DEFB115: variants seen among roughly 807,000 people sequenced by gnomAD.
DEFB115 encodes the protein defensin beta 115, also known as beta-defensin 115.
A neutral mutation model predicts 8.8 loss-of-function variants in DEFB115; 7 were observed. That is an observed-to-expected ratio of 0.79 (90% confidence interval 0.45 to 1.49). The LOEUF (loss-of-function observed/expected upper bound fraction) is 1.49. Among genes scored for constraint, DEFB115 ranks in the 40% most tolerant of loss-of-function variants. The pLI is 0.01. For missense variants in DEFB115, 143 were observed against 99.4 expected, an observed-to-expected ratio of 1.44 and a Z score of -1.86; for synonymous variants, 62 against 37.6, an observed-to-expected ratio of 1.65 and a Z score of -2.37.
chr20:31,257,791 G>T, intron 1 of DEFB115, 34 bp downstream of exon 1: 1 of 1,563,392 alleles, frequency 6.4e-7, no homozygotes, highest in Non-Finnish European at 8.8e-7. Flanking sequence ...GGAAAAGGGA[G>T]TAAGGATGGG....
intron 1 of DEFB115, 148 bp downstream of exon 1, chr20:31,257,905 A>C: frequency 1.4e-6 from 1 of 712,660 alleles, no homozygotes; most frequent in Non-Finnish European, 2.4e-6. Flanking sequence ...ATATGCTCCC[A>C]TAAGAAGGGC....
At chr20:31,258,630 T>A (rs1248871232) in intron 1 of DEFB115, among the ~76,000 whole-genome samples, 2 of 151,904 alleles carry the variant, frequency 1.3e-5, no homozygotes, top group Admixed American at 1.3e-4. Context: ...ATAGAGGGAG[T>A]TGCAGATGCA....
At position 31,259,470 on chromosome 20, in the gene DEFB115, C is replaced by T; in HGVS notation, c.105C>T (p.Ile35=). Residue 35 remains isoleucine (I), a synonymous_variant, in exon 2 of 2, where the codon ATC becomes ATT. Transcript: ENST00000400552. ...TGCTTATTTTGATAGATGGATGGAT[C>T]AGAAGGTGCTATTATGGAACTGGCA... ...VLAQTAPDGW[I]RRCYYGTGRC... The T allele has an allele frequency of 6.2e-7, 1 of 1,605,352 alleles. No homozygotes were observed. Among genetic ancestry groups the T allele is most frequent in the South Asian group, 1.1e-5 (1 of 88,866 alleles).
rs769728457 is a variant in DEFB115 at position 31,259,461 on chromosome 20, T to C, written c.96T>C (p.Asp32=). The change falls in exon 2 of 2, where the codon GAT becomes GAC. Residue 32 remains aspartate, a splice_region_variant and synonymous_variant. Transcript: ENST00000400552. ...TCATGTGTTTGCTTATTTTGATAGATGGATGGATCAGAAGGTGCTATTATG... is the reference window on the plus strand; with the variant it reads ...TCATGTGTTTGCTTATTTTGATAGACGGATGGATCAGAAGGTGCTATTATG... ...VLVVLAQTAP[D]GWIRRCYYGT... The C allele has an allele frequency of 1.3e-6, 2 of 1,590,736 alleles. No homozygotes were observed. Among genetic ancestry groups the C allele is most frequent in the African/African-American group, 1.4e-5 (1 of 73,404 alleles).
chr20:31,258,232 A>G (rs1270681307), intron 1 of DEFB115, among the ~76,000 whole-genome samples: 1 of 152,154 alleles, frequency 6.6e-6, no homozygotes, highest in East Asian at 1.9e-4. Context: ...TATGGTGAAA[A>G]AGTTGTAAGT....
In DEFB115 at chr20:31,259,452, T is replaced by C. The variant is rs759057268; in HGVS notation, c.95-8T>C. ...TTTATATATTCATGTGTTTGCTTATTTTGATAGATGGATGGATCAGAAGGT... is the reference window on the plus strand; with the variant it reads ...TTTATATATTCATGTGTTTGCTTATCTTGATAGATGGATGGATCAGAAGGT... On this transcript the variant is annotated splice_polypyrimidine_tract_variant and splice_region_variant and intron_variant, in intron 1 of 1. Coordinates refer to ENST00000400552, the MANE Select transcript of DEFB115 (RefSeq NM_001037730.1). The C allele has an allele frequency of 2.2e-4, 354 of 1,584,492 alleles. No individual in the cohort carries two copies. Among genetic ancestry groups the C allele is most frequent in the Non-Finnish European group, 2.9e-4 (341 of 1,170,302 alleles).
chr20:31,259,560 C>T lies in DEFB115; in HGVS notation c.195C>T (p.Cys65=), dbSNP rs766064756. ...KKEKCGEKHI[C]CVPKEKDKLS... ...AAAAATGTGGGGAAAAACATATTTGCTGTGTCCCTAAAGAAAAGGATAAAC... is the reference window on the plus strand; with the variant it reads ...AAAAATGTGGGGAAAAACATATTTGTTGTGTCCCTAAAGAAAAGGATAAAC... Residue 65 remains cysteine (C), a synonymous_variant, in exon 2 of 2, where the codon TGC becomes TGT. Coordinates refer to ENST00000400552, the MANE Select transcript of DEFB115 (RefSeq NM_001037730.1). The T allele has an allele frequency of 6.2e-7, 1 of 1,612,546 alleles. No individual in the cohort carries two copies. The highest frequency in any genetic ancestry group is 1.1e-5 in the South Asian group (1 of 90,834).
chr20:31,257,771 T>G lies in DEFB115; in HGVS notation c.94+14T>G. 1 of 1,603,656 alleles carries G rather than the reference T, an allele frequency of 6.2e-7. No individual in the cohort carries two copies. The highest frequency in any genetic ancestry group is 8.5e-7 in the Non-Finnish European group (1 of 1,170,750). On this transcript the variant is annotated intron_variant, in intron 1 of 1. Coordinates refer to ENST00000400552, the MANE Select transcript of DEFB115 (RefSeq NM_001037730.1). ...AGACTGCCCCAGGTAAACAGAACCA[T>G]GGAGAGAAGGGAAAAGGGAGTAAGG...
At chr20:31,259,367 T>G in intron 1 of DEFB115, 93 bp from the exon 2 acceptor site, 1 of 1,301,264 alleles carries the variant, frequency 7.7e-7, no homozygotes, top group Non-Finnish European at 1.0e-6. Context: ...AATGTTTCAC[T>G]CTAACCATTA....
Position 31,257,772 on chromosome 20 carries a change from G to A in DEFB115, c.94+15G>A. ...GACTGCCCCAGGTAAACAGAACCAT[G>A]GAGAGAAGGGAAAAGGGAGTAAGGA... On this transcript the variant is annotated intron_variant, in intron 1 of 1. Transcript: ENST00000400552. The A allele has an allele frequency of 6.2e-7, 1 of 1,600,224 alleles. No homozygotes were observed.
chr20:31,259,259 A>G (rs1323221376), intron 1 of DEFB115, among the ~76,000 whole-genome samples: 1 of 152,176 alleles, frequency 6.6e-6, no homozygotes, highest in African/African-American at 2.4e-5. Flanking sequence ...ATAGGAATAA[A>G]ATTCAATTAG....
At chr20:31,258,303 CAGA>C (rs1983807263) in intron 1 of DEFB115, among the ~76,000 whole-genome samples, 1 of 152,172 alleles carries the variant, frequency 6.6e-6, no homozygotes, top group African/African-American at 2.4e-5. Context: ...GGGGTTACAG[CAGA>C]AGATTTTGGC....
At chr20:31,257,958 C>T (rs755665119) in intron 1 of DEFB115, among the ~76,000 whole-genome samples, 1 of 152,120 alleles carries the variant, frequency 6.6e-6, no homozygotes, top group African/African-American at 2.4e-5. Context: ...CATTAGGGAA[C>T]CTGGAGAATA....
chr20:31,258,029 T>C (rs1983800777), intron 1 of DEFB115, among the ~76,000 whole-genome samples: 1 of 152,142 alleles, frequency 6.6e-6, no homozygotes. Flanking sequence ...AACCCCAACA[T>C]CTCTAGTATC....
At chr20:31,259,399 C>T in intron 1 of DEFB115, 61 bp from the exon 2 acceptor site, 1 of 1,457,698 alleles carries the variant, frequency 6.9e-7, no homozygotes. Context: ...AACATCCTTT[C>T]TTTAATTGTA....
chr20:31,257,832 A>G (rs1983796789), intron 1 of DEFB115, 75 bp downstream of exon 1: 11 of 1,341,640 alleles, frequency 8.2e-6, no homozygotes, highest in Non-Finnish European at 1.2e-5. Context: ...GGAAAATTGA[A>G]CATGTGTAGA....
intron 1 of DEFB115, 52 bp from the exon 2 acceptor site, chr20:31,259,408 T>C (rs6088879): frequency 0.51 from 752,852 of 1,473,590 alleles, 199,090 homozygotes; most frequent in East Asian, 0.73. Flanking sequence ...TCTTTAATTG[T>C]ATTTATTTTT....
intron 1 of DEFB115, 145 bp downstream of exon 1, chr20:31,257,902 C>T: frequency 4.1e-6 from 3 of 724,228 alleles, no homozygotes; most frequent in South Asian, 1.8e-5. Flanking sequence ...TGAATATGCT[C>T]CCATAAGAAG....
Position 31,257,758 on chromosome 20 carries a change from G to T in DEFB115, c.94+1G>T, listed in dbSNP as rs780314310. On this transcript the variant is annotated splice_donor_variant, in intron 1 of 1. Transcript: ENST00000400552. LOFTEE classifies it high-confidence loss of function. ...GTGGTCCTGGCTCAGACTGCCCCAG[G>T]TAAACAGAACCATGGAGAGAAGGGA... is the stretch of plus-strand genomic sequence containing the variant. 1.2e-6 allele frequency: 2 copies of T among 1,611,612 alleles called. No individual in the cohort carries two copies. The highest frequency in any genetic ancestry group is 2.7e-5 in the African/African-American group (2 of 74,844).
Sources: allele counts gnomAD v4.1 joint callset (sites outside exome capture counted in the v4.1 genomes callset), GRCh38; gene constraint gnomAD v4.1.1; transcripts MANE v1.5; gene names NCBI Gene and HGNC (gene_info 2026-07-23, HGNC 2026-07-21).